Variants in IL7 observed in about 807,000 individuals in gnomAD.
The protein encoded by IL7 is interleukin 7, also known as interleukin-7.
IL7 carries 3 observed loss-of-function variants against 21.6 expected under a neutral mutation model. That is an observed-to-expected ratio of 0.14 (90% CI 0.06 to 0.36). The LOEUF (loss-of-function observed/expected upper bound fraction) is 0.36. Among genes scored for constraint, IL7 ranks in the 10% least tolerant of loss-of-function variants. The pLI is 1.00. For missense variants in IL7, 175 were observed against 200.2 expected (o/e 0.87, Z 0.76); for synonymous variants, 62 against 68.1 (o/e 0.91, Z 0.44).
At chr8:78,688,386 A>T (rs1810094530) in intron 3 of IL7, among the ~76,000 whole-genome samples, 1 of 152,122 alleles carries the variant, frequency 6.6e-6, no homozygotes, top group Non-Finnish European at 1.5e-5. Flanking sequence ...GAGGTTTAAG[A>T]CCTACTCCAG....
chr8:78,687,363 G>A (rs1810019190), intron 3 of IL7, among the ~76,000 whole-genome samples: 2 of 150,714 alleles, frequency 1.3e-5, no homozygotes, highest in African/African-American at 4.9e-5. Flanking sequence ...TATTGTAGAG[G>A]AGAGATATAG....
At chr8:78,766,282 A>T (rs1812750735) in intron 2 of IL7, among the ~76,000 whole-genome samples, 1 of 152,152 alleles carries the variant, frequency 6.6e-6, no homozygotes, top group South Asian at 2.1e-4. Flanking sequence ...CAAAACCCAT[A>T]GTATGTACAA....
intron 6 of IL7, chr8:78,718,858 T>C (rs1811182863): frequency 1.3e-5 from 2 of 151,712 alleles, no homozygotes. Context: ...AAATCTCTTA[T>C]ATAATTCCTA....
At chr8:78,679,264 A>G (rs1039437790) in intron 4 of IL7, 2 of 152,078 alleles carry the variant, frequency 1.3e-5, no homozygotes, top group Non-Finnish European at 2.9e-5. Flanking sequence ...TCTCTCCTTA[A>G]TATCTGTTAT....
intron 1 of IL7, among the ~76,000 whole-genome samples, chr8:78,802,909 G>A (rs1814129730): frequency 1.3e-5 from 2 of 152,094 alleles, no homozygotes; most frequent in African/African-American, 4.8e-5. Flanking sequence ...ACCTCACTAA[G>A]GTACTTCCTG....
intron 2 of IL7, among the ~76,000 whole-genome samples, chr8:78,775,763 T>A (rs1813112309): frequency 6.6e-6 from 1 of 152,048 alleles, no homozygotes; most frequent in Admixed American, 6.6e-5. Context: ...TCATATTCCA[T>A]GTAGTCCTAG....
chr8:78,726,610 G>A (rs1453034620), intron 3 of IL7, among the ~76,000 whole-genome samples: 2 of 151,920 alleles, frequency 1.3e-5, no homozygotes, highest in African/African-American at 4.8e-5. Context: ...CCCTAAAGTG[G>A]TCACAGGTAT....
intron 2 of IL7, among the ~76,000 whole-genome samples, chr8:78,758,128 G>T (rs1205460662): frequency 6.6e-6 from 1 of 151,990 alleles, no homozygotes; most frequent in Non-Finnish European, 1.5e-5. Context: ...GCAGCATGAG[G>T]ACAGACTAAT....
rs1813918064 is a variant in IL7, at chr8:78,798,006, G to T, written c.147+66C>A. 6.3e-6 allele frequency: 8 copies of T among 1,270,150 alleles called. No homozygotes were observed. The East Asian group carries it at 1.2e-4, about 19-fold the overall frequency. The allele number at this position is 1,270,150 out of a possible 1,614,324, so 78.7% of individuals were successfully genotyped here. ...AAGATGAATACTTGATTATAAAACT[G>T]CATACCAAAAAGGTTCAAATTTTCC... On this transcript the variant is annotated intron_variant, in intron 2 of 5. Transcript: ENST00000263851.
downstream of IL7, among the ~76,000 whole-genome samples, chr8:78,714,276 G>A (rs1811032581): frequency 6.6e-6 from 1 of 152,070 alleles, no homozygotes. Context: ...ATGGAGTTAT[G>A]AACGCTACCT....
rs145718191 is a variant in IL7, at chr8:78,681,524, C to G, written n.273+4365G>C. ...TATTAATCAGAGAAGTAGATAATGT[C>G]ATTCTTTTTGTCAGAGTTTTGCTGC... On this transcript the variant is annotated intron_variant and non_coding_transcript_variant, in intron 4 of 4. Coordinates refer to the IL7 transcript ENST00000523959. 8.2e-3 allele frequency among the ~76,000 whole-genome samples: 1,255 copies of G among 152,184 alleles called. 19 individuals are homozygous for G. Among genetic ancestry groups the G allele is most frequent in the African/African-American group, 0.028 (1,163 of 41,528 alleles).
At chr8:78,767,897 A>G (rs908544487) in intron 2 of IL7, among the ~76,000 whole-genome samples, 1 of 152,020 alleles carries the variant, frequency 6.6e-6, no homozygotes, top group Admixed American at 6.6e-5. Context: ...CATTTGGTAT[A>G]TCTCCTAAAG....
intron 1 of IL7, among the ~76,000 whole-genome samples, chr8:78,798,699 G>A (rs1164053266): frequency 6.6e-6 from 1 of 152,034 alleles, no homozygotes; most frequent in African/African-American, 2.4e-5. Context: ...CCCTGGGATT[G>A]CACTGTAACT....
intron 3 of IL7, among the ~76,000 whole-genome samples, chr8:78,702,848 T>C (rs1810650470): frequency 6.6e-6 from 1 of 152,188 alleles, no homozygotes; most frequent in African/African-American, 2.4e-5. Context: ...TTCAGTTCTT[T>C]TGCTTTTACT....
chr8:78,686,567 G>A, intron 3 of IL7: 2 of 1,533,884 alleles, frequency 1.3e-6, no homozygotes, highest in Non-Finnish European at 1.8e-6. Flanking sequence ...CTCAAAGAGG[G>A]TGGCAAACTT....
chr8:78,684,047 A>G (rs1002256001), intron 4 of IL7, among the ~76,000 whole-genome samples: 2 of 152,208 alleles, frequency 1.3e-5, no homozygotes, highest in Non-Finnish European at 2.9e-5. Context: ...ACAAGTTTCT[A>G]GGAAGTTCCA....
intron 2 of IL7, among the ~76,000 whole-genome samples, chr8:78,742,072 G>A (rs1011600912): frequency 6.6e-6 from 1 of 151,950 alleles, no homozygotes; most frequent in African/African-American, 2.4e-5. Context: ...CCAGCCCTTT[G>A]GGAGGCCAAA....
chr8:78,798,347 C>T lies in IL7; in HGVS notation c.11-139G>A, dbSNP rs141839976. 3.3e-4 allele frequency: 195 copies of T among 597,602 alleles called. No homozygotes were observed. In the African/African-American group the frequency reaches 3.3e-3, roughly 10 times the overall value. 37.0% of individuals were successfully genotyped at this position (597,602 alleles called of 1,614,324 possible). On this transcript the variant is annotated intron_variant, in intron 1 of 5. Transcript: ENST00000263851. ...TTTGGAGATACTACAGGAAGAACCT[C>T]AAAAGTTGAACTTATGTAACAACCA... is the stretch of plus-strand genomic sequence containing the variant.
At chr8:78,760,051 C>G in intron 2 of IL7, 1 of 1,264,758 alleles carries the variant, frequency 7.9e-7, no homozygotes, top group Non-Finnish European at 1.0e-6. Flanking sequence ...GTCCTATAGG[C>G]AAAGATATTT....
Sources: gnomAD v4.1 joint callset for allele counts (sites outside exome capture counted in the v4.1 genomes callset) on GRCh38, gnomAD v4.1.1 for gene constraint, MANE v1.5 for transcripts, NCBI Gene and HGNC (gene_info 2026-07-23, HGNC 2026-07-21) for gene names.